TMTC4: variants seen among roughly 807,000 people sequenced by gnomAD.
TMTC4 encodes the protein transmembrane O-mannosyltransferase targeting cadherins 4, also known as protein O-mannosyl-transferase TMTC4.
Under a neutral mutation model 86.0 loss-of-function variants are expected in TMTC4, and 65 were observed. The observed-to-expected ratio is 0.76, with a 90% CI of 0.62 to 0.93. TMTC4 has a LOEUF of 0.93. Among genes scored for constraint, TMTC4 ranks in the 40% least tolerant of loss-of-function variants. The pLI is 0.00. For missense variants in TMTC4, 866 were observed against 948.1 expected, an observed-to-expected ratio of 0.91 and a Z score of 1.14; for synonymous variants, 379 against 382.5, an observed-to-expected ratio of 0.99 and a Z score of 0.11.
chr13:100,634,133 C>G (rs1881845837), intron 12 of TMTC4, among the ~76,000 whole-genome samples: 1 of 147,156 alleles, frequency 6.8e-6, no homozygotes, highest in African/African-American at 2.5e-5. Context: ...GAGAAAGACC[C>G]AGTCTCAAAA....
chr13:100,674,164 G>A, intron 1 of TMTC4: 1 of 968,752 alleles, frequency 1.0e-6, no homozygotes, highest in Non-Finnish European at 1.2e-6. Flanking sequence ...GCGGCTCGGT[G>A]GCCCCGGGCG....
intron 5 of TMTC4, among the ~76,000 whole-genome samples, chr13:100,659,156 G>C (rs1370855434): frequency 6.6e-6 from 1 of 152,158 alleles, no homozygotes; most frequent in East Asian, 1.9e-4. Context: ...GGTACAATTT[G>C]CATGGGGGCC....
At chr13:100,638,098 A>C in intron 7 of TMTC4, 76 bp from the exon 8 acceptor site, 9 of 1,126,580 alleles carry the variant, frequency 8.0e-6, no homozygotes, top group South Asian at 1.4e-5. Context: ...TCACAATTTC[A>C]TTACTCAATC....
intron 12 of TMTC4, among the ~76,000 whole-genome samples, chr13:100,632,442 C>T (rs1250438585): frequency 6.6e-6 from 1 of 152,138 alleles, no homozygotes; most frequent in East Asian, 1.9e-4. Flanking sequence ...TGGTGAGGAA[C>T]TCCACACATA....
intron 15 of TMTC4, chr13:100,624,360 A>AAAAT (rs981435383): frequency 2.6e-5 from 4 of 151,026 alleles, no homozygotes; most frequent in East Asian, 3.9e-4. Flanking sequence ...AAAATAAAAA[A>AAAAT]AAAATAAAAA....
chr13:100,649,928 A>G (rs1884224055), intron 6 of TMTC4, among the ~76,000 whole-genome samples: 1 of 152,116 alleles, frequency 6.6e-6, no homozygotes, highest in African/African-American at 2.4e-5. Flanking sequence ...ACTTATAAAT[A>G]TTTTTATTCA....
At chr13:100,643,802 T>C (rs1883348835) in intron 6 of TMTC4, among the ~76,000 whole-genome samples, 1 of 152,092 alleles carries the variant, frequency 6.6e-6, no homozygotes, top group South Asian at 2.1e-4. Flanking sequence ...CTGGTCAGCT[T>C]AGAGGGGGAT....
intron 4 of TMTC4, among the ~76,000 whole-genome samples, 193 bp from the exon 5 acceptor site, chr13:100,663,373 T>C (rs1416921174): frequency 6.6e-6 from 1 of 152,102 alleles, no homozygotes; most frequent in African/African-American, 2.4e-5. Flanking sequence ...GGTGGGAATG[T>C]AATTAACTAC....
chr13:100,668,866 G>A lies in TMTC4; in HGVS notation c.4-72C>T, dbSNP rs1027305065. 4.3e-6 allele frequency: 6 copies of A among 1,406,998 alleles called. No homozygotes were observed. In the Admixed American group the frequency reaches 5.4e-5, roughly 13 times the overall value. The allele number at this position is 1,406,998 out of a possible 1,614,324, so 87.2% of individuals were successfully genotyped here. On this transcript the variant is annotated intron_variant, in intron 2 of 18. Coordinates refer to ENST00000342624, the MANE Select transcript of TMTC4 (RefSeq NM_032813.5). ...ACCGTTTCTGCAGTGGGCACCGTGA[G>A]TAAGAGCTAGATAGTCATTTATGCT...
rs566261764 is a variant in TMTC4 at position 100,612,024 on chromosome 13, G to A, written c.2064+374C>T. ...CAGAGTCAAACCCTGTTGTGCTAGG[G>A]TGGGGCTGGGGCAGGGGCACCTCCG... On this transcript the variant is annotated intron_variant, in intron 17 of 18. Transcript: ENST00000342624. Among the ~76,000 whole-genome samples the A allele has an allele frequency of 1.7e-4, 26 of 152,338 alleles. No homozygotes were observed. The South Asian group carries it at 5.4e-3, about 32-fold the overall frequency.
chr13:100,664,182 G>C (rs771615808), intron 4 of TMTC4, 39 bp downstream of exon 4: 2 of 1,538,344 alleles, frequency 1.3e-6, no homozygotes. Flanking sequence ...CACACAAGCT[G>C]GGAGGGACCT....
chr13:100,632,182 T>G (rs1208922938), intron 12 of TMTC4, among the ~76,000 whole-genome samples: 1 of 152,070 alleles, frequency 6.6e-6, no homozygotes, highest in East Asian at 1.9e-4. Context: ...CCCGGGCAGA[T>G]TTTTGGGTTC....
intron 6 of TMTC4, among the ~76,000 whole-genome samples, chr13:100,654,056 G>A (rs1884771373): frequency 6.6e-6 from 1 of 152,230 alleles, no homozygotes. Flanking sequence ...GTTAACAAGA[G>A]AACAGATCCC....
At chr13:100,661,308 C>T (rs1406397505) in intron 5 of TMTC4, among the ~76,000 whole-genome samples, 11 of 152,242 alleles carry the variant, frequency 7.2e-5, no homozygotes, top group South Asian at 6.2e-4. Flanking sequence ...TGAGTGTGTA[C>T]GTGTGTGTAA....
intron 1 of TMTC4, 141 bp downstream of exon 1, chr13:100,674,602 CT>C (rs1887604221): frequency 9.2e-6 from 9 of 982,850 alleles, no homozygotes; most frequent in Non-Finnish European, 1.1e-5. Flanking sequence ...CCGGAACCAA[CT>C]CCTCCAGCAG....
intron 6 of TMTC4, among the ~76,000 whole-genome samples, chr13:100,649,359 T>C (rs1884138950): frequency 6.6e-6 from 1 of 152,240 alleles, no homozygotes; most frequent in African/African-American, 2.4e-5. Context: ...TTTGTGAAGG[T>C]GACTAATGCT....
At chr13:100,669,743 CA>C (rs1886851152) in intron 2 of TMTC4, among the ~76,000 whole-genome samples, 1 of 152,062 alleles carries the variant, frequency 6.6e-6, no homozygotes, top group African/African-American at 2.4e-5. Flanking sequence ...TTCGCCAAAA[CA>C]AATCTCAACC....
At chr13:100,664,084 T>G in intron 4 of TMTC4, 137 bp downstream of exon 4, 1 of 592,056 alleles carries the variant, frequency 1.7e-6, no homozygotes, top group Admixed American at 3.6e-5. Flanking sequence ...GAGACCCATG[T>G]ATATGAGCAG....
intron 16 of TMTC4, among the ~76,000 whole-genome samples, chr13:100,612,806 C>T (rs1310873050): frequency 6.6e-6 from 1 of 152,120 alleles, no homozygotes; most frequent in Non-Finnish European, 1.5e-5. Flanking sequence ...AATTTTTTCC[C>T]AGATACCAGT....
Sources: gnomAD v4.1 joint callset for allele counts (sites outside exome capture counted in the v4.1 genomes callset) on GRCh38, gnomAD v4.1.1 for gene constraint, MANE v1.5 for transcripts, NCBI Gene and HGNC (gene_info 2026-07-23, HGNC 2026-07-21) for gene names.